The following ANKRD44 variants were observed in gnomAD, a reference collection of about 807,000 sequenced individuals.
The protein encoded by ANKRD44 is serine/threonine-protein phosphatase 6 regulatory ankyrin repeat subunit B.
In ANKRD44, 35 loss-of-function variants were observed where a neutral mutation model predicts 116.0. The observed-to-expected ratio is 0.30, with a 90% confidence interval of 0.23 to 0.40. ANKRD44 has a LOEUF of 0.40. Ranked by LOEUF, ANKRD44 falls within the 10% of genes least tolerant of loss-of-function variation. The pLI, the probability that ANKRD44 is intolerant of heterozygous loss-of-function variation, is 1.00. For missense variants in ANKRD44, 1,014 were observed against 1,242.6 expected (o/e 0.82, Z 2.77); for synonymous variants, 435 against 461.8 (o/e 0.94, Z 0.74).
intron 1 of ANKRD44, among the ~76,000 whole-genome samples, chr2:197,254,630 C>CACACACACAT (rs891597885): frequency 1.9e-5 from 2 of 107,580 alleles, no homozygotes; most frequent in Non-Finnish European, 4.2e-5. Flanking sequence ...CACACACACA[C>CACACACACAT]ATATATATAT....
At chr2:197,193,488 G>T (rs955912905) in intron 1 of ANKRD44, among the ~76,000 whole-genome samples, 6 of 152,068 alleles carry the variant, frequency 3.9e-5, no homozygotes, top group African/African-American at 1.4e-4. Context: ...TAATGCTATG[G>T]TATCAGACTG....
intron 16 of ANKRD44, among the ~76,000 whole-genome samples, chr2:197,076,262 C>T (rs947737975): frequency 6.6e-6 from 1 of 152,128 alleles, no homozygotes; most frequent in Non-Finnish European, 1.5e-5. Context: ...ATGACCCCTG[C>T]GAAGACGGCT....
chr2:197,259,468 G>A (rs1043044447), intron 1 of ANKRD44, among the ~76,000 whole-genome samples: 1 of 152,150 alleles, frequency 6.6e-6, no homozygotes, highest in Non-Finnish European at 1.5e-5. Flanking sequence ...CCCCGATCTA[G>A]GTTCCTCTTG....
intron 3 of ANKRD44, among the ~76,000 whole-genome samples, chr2:197,145,848 C>A (rs1294982134): frequency 6.6e-6 from 1 of 152,124 alleles, no homozygotes; most frequent in Non-Finnish European, 1.5e-5. Flanking sequence ...CAAACAAAGG[C>A]GAAAACTTAC....
intron 1 of ANKRD44, among the ~76,000 whole-genome samples, chr2:197,287,738 C>T (rs998900611): frequency 2.6e-5 from 4 of 151,990 alleles, no homozygotes; most frequent in African/African-American, 9.7e-5. Flanking sequence ...AGTAGACACG[C>T]GCTGGGTACG....
chr2:197,049,549 A>T (rs1397722625), intron 16 of ANKRD44, among the ~76,000 whole-genome samples: 1 of 152,042 alleles, frequency 6.6e-6, no homozygotes, highest in Non-Finnish European at 1.5e-5. Flanking sequence ...CATTCTCATT[A>T]CTCAACTTTC....
At chr2:197,058,090 T>C (rs1231316122) in intron 16 of ANKRD44, among the ~76,000 whole-genome samples, 2 of 152,198 alleles carry the variant, frequency 1.3e-5, no homozygotes, top group Non-Finnish European at 2.9e-5. Flanking sequence ...CCCGGTATAC[T>C]GTATGTTCTT....
intron 16 of ANKRD44, among the ~76,000 whole-genome samples, chr2:197,035,180 A>G (rs770034396): frequency 2.6e-5 from 4 of 152,238 alleles, no homozygotes; most frequent in African/African-American, 9.6e-5. Flanking sequence ...CTGAGTTAAC[A>G]AAACAGTAAT....
intron 1 of ANKRD44, among the ~76,000 whole-genome samples, chr2:197,243,326 A>G (rs778612147): frequency 9.2e-5 from 14 of 152,026 alleles, no homozygotes; most frequent in Non-Finnish European, 1.8e-4. Flanking sequence ...AATAAATAAA[A>G]CCCTTAAAGA....
intron 1 of ANKRD44, among the ~76,000 whole-genome samples, chr2:197,295,290 T>A (rs2083684617): frequency 6.6e-6 from 1 of 152,244 alleles, no homozygotes; most frequent in South Asian, 2.1e-4. Context: ...GGTTGGCAAA[T>A]TTTTTCCTGT....
At chr2:197,001,876 G>A in intron 21 of ANKRD44, 36 bp from the exon 22 acceptor site, 1 of 1,545,134 alleles carries the variant, frequency 6.5e-7, no homozygotes, top group Non-Finnish European at 8.9e-7. Context: ...GAGTTTCCAA[G>A]AAAGAAATTT....
At chr2:197,179,875 G>A (rs1190421705) in intron 2 of ANKRD44, among the ~76,000 whole-genome samples, 2 of 152,172 alleles carry the variant, frequency 1.3e-5, no homozygotes, top group Non-Finnish European at 2.9e-5. Flanking sequence ...TTCTTTACAG[G>A]GTATAGGTCA....
At chr2:197,068,751 T>C (rs1490027624) in intron 16 of ANKRD44, among the ~76,000 whole-genome samples, 1 of 152,142 alleles carries the variant, frequency 6.6e-6, no homozygotes, top group African/African-American at 2.4e-5. Flanking sequence ...CACAATGAGA[T>C]ACCATCTCAC....
intron 1 of ANKRD44, among the ~76,000 whole-genome samples, chr2:197,239,351 C>T (rs2125791534): frequency 6.6e-6 from 1 of 152,294 alleles, no homozygotes; most frequent in Admixed American, 6.5e-5. Context: ...CCAACCTCAG[C>T]CTTCCAAGTA....
At position 197,125,820 on chromosome 2, in the gene ANKRD44, A is replaced by G. The variant is rs1223216831; in HGVS notation, c.462+17T>C. Reference sequence around the variant, plus strand: ...CCTGGAGGGAGCGTTCCAATTCTGAATGATAAAAATACCCACCTCCACGTG... The same window carrying G: ...CCTGGAGGGAGCGTTCCAATTCTGAGTGATAAAAATACCCACCTCCACGTG... On this transcript the variant is annotated intron_variant, in intron 5 of 27. Transcript: ENST00000282272. 1.2e-6 allele frequency: 2 copies of G among 1,612,748 alleles called. No homozygotes were observed. Among genetic ancestry groups the G allele is most frequent in the African/African-American group, 2.7e-5 (2 of 74,896 alleles).
intron 16 of ANKRD44, among the ~76,000 whole-genome samples, chr2:197,045,537 T>C (rs1444709843): frequency 6.7e-6 from 1 of 149,746 alleles, no homozygotes; most frequent in African/African-American, 2.4e-5. Flanking sequence ...CCCCTGTTAT[T>C]CACTCATAGC....
intron 16 of ANKRD44, among the ~76,000 whole-genome samples, chr2:197,028,042 C>T (rs2076630981): frequency 6.6e-6 from 1 of 151,950 alleles, no homozygotes; most frequent in Non-Finnish European, 1.5e-5. Flanking sequence ...TGAGAACTGA[C>T]CACTGTGTTT....
chr2:197,086,591 T>A, intron 13 of ANKRD44, 89 bp downstream of exon 13: 3 of 1,293,678 alleles, frequency 2.3e-6, no homozygotes, highest in Non-Finnish European at 3.3e-6. Context: ...ACTTCCCGGT[T>A]TACCATTTCA....
At chr2:197,195,348 G>T (rs775026010) in intron 1 of ANKRD44, among the ~76,000 whole-genome samples, 1 of 152,120 alleles carries the variant, frequency 6.6e-6, no homozygotes, top group Non-Finnish European at 1.5e-5. Flanking sequence ...GTTTTCCCAA[G>T]AATTTAATCT....
Sources: gnomAD v4.1 joint callset for allele counts (sites outside exome capture counted in the v4.1 genomes callset) on GRCh38, gnomAD v4.1.1 for gene constraint, MANE v1.5 for transcripts, NCBI Gene and HGNC (gene_info 2026-07-23, HGNC 2026-07-21) for gene names.